The following LMCD1 variants were observed in gnomAD, a reference collection of about 807,000 sequenced individuals.
The protein encoded by LMCD1 is LIM and cysteine-rich domains protein 1.
LMCD1 carries 32 observed loss-of-function variants against 42.7 expected under a neutral mutation model. That is an observed-to-expected ratio of 0.75 (90% CI 0.57 to 1.01). The LOEUF (loss-of-function observed/expected upper bound fraction) is 1.01, where lower values mean the gene tolerates loss of function less well. Among genes scored for constraint, LMCD1 ranks in the 50% least tolerant of loss-of-function variants. The pLI is 0.00. For missense variants in LMCD1, 458 were observed against 483.1 expected (o/e 0.95, Z 0.49); for synonymous variants, 178 against 184.9 (o/e 0.96, Z 0.30).
chr3:8,502,528 C>T (rs1041999739), intron 1 of LMCD1, among the ~76,000 whole-genome samples: 11 of 143,434 alleles, frequency 7.7e-5, no homozygotes, highest in East Asian at 6.2e-4. Context: ...CTCACAGTCT[C>T]CCTTTTGCTA....
chr3:8,529,881 G>A (rs1019830092), intron 1 of LMCD1, among the ~76,000 whole-genome samples: 1 of 152,196 alleles, frequency 6.6e-6, no homozygotes, highest in African/African-American at 2.4e-5. Flanking sequence ...CATAATAAGT[G>A]TGTGCCAAGC....
chr3:8,539,226 A>G (rs946151664), intron 3 of LMCD1, among the ~76,000 whole-genome samples: 13 of 152,302 alleles, frequency 8.5e-5, no homozygotes, highest in East Asian at 1.9e-4. Flanking sequence ...TTAGGGGGGA[A>G]AATCCCTTCC....
At chr3:8,529,377 G>A (rs1694362210) in intron 1 of LMCD1, among the ~76,000 whole-genome samples, 2 of 152,164 alleles carry the variant, frequency 1.3e-5, no homozygotes, top group African/African-American at 4.8e-5. Context: ...TACTTCTGTT[G>A]CCATGGAAAC....
rs752789558 is a variant in LMCD1 at position 8,573,998 on chromosome 3, G to C, written c.*6400G>C. ...GCTTCAGGAACAATTGGATGCAGTA[G>C]TTCAAATCACAAGTTAAGTCTCTGC... On this transcript the variant is annotated 3_prime_UTR_variant, in exon 6 of 6. Coordinates refer to ENST00000157600, the MANE Select transcript of LMCD1 (RefSeq NM_014583.4). 6.6e-6 allele frequency: 1 copy of C among 152,200 alleles called. No individual in the cohort carries two copies. The highest frequency in any genetic ancestry group is 1.5e-5 in the Non-Finnish European group (1 of 68,038). The allele number at this position is 152,200 out of a possible 1,614,324, so 9.4% of individuals were successfully genotyped here. A position where few individuals can be genotyped will look rare whatever the true frequency, so the allele number is the denominator to read the frequency against.
chr3:8,512,176 C>T (rs983044066), intron 1 of LMCD1, among the ~76,000 whole-genome samples: 2 of 152,130 alleles, frequency 1.3e-5, no homozygotes, highest in East Asian at 1.9e-4. Flanking sequence ...TCAAGTAAGA[C>T]TTTTTGATGT....
intron 3 of LMCD1, among the ~76,000 whole-genome samples, chr3:8,543,030 C>A (rs1032953999): frequency 6.6e-6 from 1 of 152,188 alleles, no homozygotes; most frequent in African/African-American, 2.4e-5. Flanking sequence ...GGGGCTGCTT[C>A]GGAACTTGGT....
At chr3:8,554,288 C>T (rs937063132) in intron 4 of LMCD1, among the ~76,000 whole-genome samples, 1 of 151,546 alleles carries the variant, frequency 6.6e-6, no homozygotes, top group African/African-American at 2.4e-5. Context: ...CTGATGAGAG[C>T]GGGGCTTCGG....
chr3:8,563,416 C>T (rs1695074762), intron 4 of LMCD1, among the ~76,000 whole-genome samples: 1 of 152,240 alleles, frequency 6.6e-6, no homozygotes, highest in Non-Finnish European at 1.5e-5. Context: ...AGCATTCCTT[C>T]ATTCAGCAAC....
intron 1 of LMCD1, among the ~76,000 whole-genome samples, chr3:8,520,625 G>A (rs1340317486): frequency 6.6e-6 from 1 of 152,196 alleles, no homozygotes; most frequent in Non-Finnish European, 1.5e-5. Context: ...AGTGATGCTG[G>A]TGGCTTTACT....
chr3:8,541,561 A>G (rs1371943207), intron 3 of LMCD1, among the ~76,000 whole-genome samples: 1 of 152,204 alleles, frequency 6.6e-6, no homozygotes, highest in Non-Finnish European at 1.5e-5. Flanking sequence ...GAAAAAAGAA[A>G]AATCAAGAAA....
intron 1 of LMCD1, among the ~76,000 whole-genome samples, chr3:8,528,229 G>A (rs893488785): frequency 1.3e-5 from 2 of 152,114 alleles, no homozygotes; most frequent in African/African-American, 2.4e-5. Context: ...GGGCCGGGGG[G>A]ACAGGATGGA....
In LMCD1 at chr3:8,564,090, G is replaced by A. The variant is rs965379133; in HGVS notation, c.724-1342G>A. On this transcript the variant is annotated intron_variant, in intron 4 of 5. Coordinates refer to ENST00000157600, the MANE Select transcript of LMCD1 (RefSeq NM_014583.4). Reference sequence around the variant, plus strand: ...GACATTGGGTAAAGTTTATGAACACGTGAATAAAGTTTGGACTTTAGTTAA... The same window carrying A: ...GACATTGGGTAAAGTTTATGAACACATGAATAAAGTTTGGACTTTAGTTAA... 4.6e-5 allele frequency among the ~76,000 whole-genome samples: 7 copies of A among 152,256 alleles called. No individual in the cohort carries two copies. In the East Asian group the frequency reaches 5.8e-4, roughly 13 times the overall value.
At chr3:8,556,896 C>T (rs1694940228) in intron 4 of LMCD1, among the ~76,000 whole-genome samples, 1 of 152,126 alleles carries the variant, frequency 6.6e-6, no homozygotes, top group Admixed American at 6.5e-5. Context: ...GCAGAGAGCC[C>T]CATAATGGAT....
At chr3:8,566,197 CACAAT>C (rs891059010) in intron 5 of LMCD1, among the ~76,000 whole-genome samples, 3 of 152,154 alleles carry the variant, frequency 2.0e-5, no homozygotes, top group Non-Finnish European at 4.4e-5. Flanking sequence ...ATTAATATGA[CACAAT>C]ACAATACAAT....
chr3:8,551,527 C>T (rs1053277505), intron 4 of LMCD1, among the ~76,000 whole-genome samples: 2 of 152,220 alleles, frequency 1.3e-5, no homozygotes, highest in Non-Finnish European at 2.9e-5. Context: ...TGGGGCAGAA[C>T]CTGGATCCAA....
At chr3:8,502,319 T>TA (rs1693751462) in intron 1 of LMCD1, among the ~76,000 whole-genome samples, 3 of 35,338 alleles carry the variant, frequency 8.5e-5, no homozygotes, top group African/African-American at 1.1e-4. Context: ...ATAAAATATA[T>TA]ATTATATATA....
intron 1 of LMCD1, among the ~76,000 whole-genome samples, chr3:8,508,254 C>G (rs1693921251): frequency 6.6e-6 from 1 of 152,166 alleles, no homozygotes; most frequent in African/African-American, 2.4e-5. Context: ...ATGTGCATTT[C>G]TACATGTCTA....
intron 1 of LMCD1, among the ~76,000 whole-genome samples, chr3:8,531,982 A>G (rs1694421492): frequency 6.6e-6 from 1 of 152,188 alleles, no homozygotes; most frequent in Admixed American, 6.5e-5. Context: ...AATGTAATGC[A>G]GATCTCCTGG....
intron 1 of LMCD1, among the ~76,000 whole-genome samples, chr3:8,515,915 G>C (rs1186904178): frequency 6.6e-6 from 1 of 152,124 alleles, no homozygotes; most frequent in East Asian, 1.9e-4. Flanking sequence ...AGTGGGTGGG[G>C]GGAGTGGGGA....
Sources: gnomAD v4.1 joint callset for allele counts (sites outside exome capture counted in the v4.1 genomes callset) on GRCh38, gnomAD v4.1.1 for gene constraint, MANE v1.5 for transcripts, NCBI Gene and HGNC (gene_info 2026-07-23, HGNC 2026-07-21) for gene names.